Variants in SIGLEC11 observed in about 807,000 individuals in gnomAD.
The protein encoded by SIGLEC11 is sialic acid-binding Ig-like lectin 11.
SIGLEC11 carries 47 observed loss-of-function variants against 61.2 expected under a neutral mutation model. The ratio of observed to expected loss-of-function variants is 0.77; its 90% CI spans 0.61 to 0.98. The LOEUF (loss-of-function observed/expected upper bound fraction) is 0.98. SIGLEC11 is among the 50% of genes least tolerant of loss of function. The pLI is 0.00. For missense variants in SIGLEC11, 610 were observed against 870.3 expected (o/e 0.70, Z 3.76); for synonymous variants, 278 against 373.1 (o/e 0.75, Z 2.94).
rs768316332 is a variant in SIGLEC11, at chr19:49,958,483, G to T, written c.1451C>A (p.Ser484Tyr). Residue 484 changes from serine to tyrosine, a missense_variant, in exon 8 of 11, where the codon TCT (serine) becomes TAT (tyrosine). Physicochemically the swap from Ser to Tyr is moderately radical, Grantham distance 144. Transcript: ENST00000447370. ...SCSSQASPAP[S>Y]LRWWLGEELL... ...CTCCTCCCCAAGCCACCAGCGCAGA[G>T]AGGGGGCCGGGCTGGCCTGGGAGGA... The T allele has an allele frequency of 2.5e-6, 4 of 1,611,980 alleles. No individual in the cohort carries two copies. Among genetic ancestry groups the T allele is most frequent in the Non-Finnish European group, 3.4e-6 (4 of 1,179,364 alleles).
rs745759468 is a variant in SIGLEC11, at chr19:49,951,947, G to A, written c.1774C>T (p.Arg592Cys). The A allele has an allele frequency of 3.3e-5, 53 of 1,610,818 alleles. No individual in the cohort carries two copies. The highest frequency in any genetic ancestry group is 2.4e-4 in the African/African-American group (18 of 74,856). The change falls in exon 10 of 11, where the codon CGC (arginine) becomes TGC (cysteine). Residue 592 changes from arginine (R) to cysteine (C), a missense_variant. By Grantham distance (180) the Arg-to-Cys change is radical. This residue lies in a region of SIGLEC11 where 432 missense variants were observed against 441.5 expected (regional missense o/e 0.98). Transcript: ENST00000447370. This position sits in a 1 kb window ranked among gnomAD's most constrained non-coding sequence, Gnocchi z 4.6. ...TCCTGCTCAGCTGCTGCCCTCTTGCGAGCTTCCTTCCTGCAGATCTTCACC... is the reference window on the plus strand; with the variant it reads ...TCCTGCTCAGCTGCTGCCCTCTTGCAAGCTTCCTTCCTGCAGATCTTCACC... ...FRVKICRKEA[R>C]KRAAAEQDVP...
At chr19:49,958,949 C>A in intron 6 of SIGLEC11, 49 bp from the exon 7 acceptor site, 1 of 1,611,706 alleles carries the variant, frequency 6.2e-7, no homozygotes, top group Non-Finnish European at 8.5e-7. Context: ...GCTCAGGGAC[C>A]CTCCTGTGTG....
intron 8 of SIGLEC11, among the ~76,000 whole-genome samples, chr19:49,954,216 A>C (rs1349638044): frequency 6.6e-6 from 1 of 152,194 alleles, no homozygotes; most frequent in Non-Finnish European, 1.5e-5. Flanking sequence ...GAAAAACCCC[A>C]GAAAGAGCAA....
intron 9 of SIGLEC11, 63 bp from the exon 10 acceptor site, chr19:49,952,035 C>G: frequency 2.0e-6 from 3 of 1,495,828 alleles, no homozygotes; most frequent in East Asian, 4.7e-5. Flanking sequence ...AAACTGCTAC[C>G]CACATGGCTT....
rs530600033 is a variant in SIGLEC11 at position 49,958,678 on chromosome 19, C to T, written c.1328G>A (p.Gly443Asp). 1.0e-5 allele frequency: 16 copies of T among 1,607,968 alleles called. No individual in the cohort carries two copies. The highest frequency in any genetic ancestry group is 2.2e-5 in the East Asian group (1 of 44,866). Reference sequence around the variant, plus strand: ...GAGGCTGAGAGAGACGTGCTGGGAGCCCAGAGGGTGCTGAGCGTGGCAGGT... The same window carrying T: ...GAGGCTGAGAGAGACGTGCTGGGAGTCCAGAGGGTGCTGAGCGTGGCAGGT... ...EFTCHAQHPL[G>D]SQHVSLSLSV... The change falls in exon 7 of 11, where the codon GGC becomes GAC. Residue 443 changes from glycine (G) to aspartate (D), a missense_variant. This residue lies in a region of SIGLEC11 where 432 missense variants were observed against 441.5 expected (regional missense o/e 0.98). Coordinates refer to ENST00000447370, the MANE Select transcript of SIGLEC11 (RefSeq NM_052884.3).
chr19:49,949,931 C>A lies in SIGLEC11; in HGVS notation c.*39G>T. 1 of 1,395,604 alleles carries A rather than the reference C, an allele frequency of 7.2e-7. No homozygotes were observed. 86.5% of individuals were successfully genotyped at this position (1,395,604 alleles called of 1,614,324 possible). ...TCTGGCCGTCACACCAGTGCGACTC[C>A]CACACACTTGCTGGTGTCCTGTTGC... On this transcript the variant is annotated 3_prime_UTR_variant, in exon 11 of 11. Transcript: ENST00000447370.
rs773041395 is a variant in SIGLEC11 at position 49,958,630 on chromosome 19, T to C, written c.1363+13A>G. The C allele has an allele frequency of 1.3e-6, 2 of 1,577,542 alleles. No homozygotes were observed. Among genetic ancestry groups the C allele is most frequent in the Non-Finnish European group, 1.7e-6 (2 of 1,162,388 alleles). On this transcript the variant is annotated intron_variant, in intron 7 of 10. Coordinates refer to ENST00000447370, the MANE Select transcript of SIGLEC11 (RefSeq NM_052884.3). ...CCTTCCTGGGACCCAGGTGTCCCCT[T>C]TCCCCCACTCACAGTGCACGGAGAG...
intron 8 of SIGLEC11, among the ~76,000 whole-genome samples, chr19:49,952,962 C>T (rs115420067): frequency 0.017 from 2,519 of 152,290 alleles, 72 homozygotes; most frequent in African/African-American, 0.057. Flanking sequence ...TTTTTAGATG[C>T]GAGTCCACTG....
Position 49,958,887 on chromosome 19 carries a change from G to C in SIGLEC11, c.1119C>G (p.Leu373=), listed in dbSNP as rs767289497. 21 of 1,600,570 alleles carry C rather than the reference G, an allele frequency of 1.3e-5. No individual in the cohort carries two copies. The highest frequency in any genetic ancestry group is 4.0e-5 in the African/African-American group (3 of 74,454). The change falls in exon 7 of 11, where the codon CTC becomes CTG. Residue 373 remains leucine (L), a synonymous_variant. Transcript: ENST00000447370. ...GGACCGGGAGGGATGTGCCGTTCCC[G>C]AGGTTTTCCAGGACTAGGGAAGGAA... ...SQANRTVLEN[L]GNGTSLPVLE...
At chr19:49,953,281 C>A (rs1487479465) in intron 8 of SIGLEC11, among the ~76,000 whole-genome samples, 2 of 152,158 alleles carry the variant, frequency 1.3e-5, no homozygotes, top group Non-Finnish European at 2.9e-5. Context: ...ACCACAGTAA[C>A]CTTTTGGGGA....
Position 49,958,827 on chromosome 19 carries a change from G to T in SIGLEC11, c.1179C>A (p.Thr393=), listed in dbSNP as rs538978935. The T allele has an allele frequency of 6.8e-5, 109 of 1,612,352 alleles. No homozygotes were observed. Among genetic ancestry groups the T allele is most frequent in the Middle Eastern group, 1.7e-4 (1 of 6,046 alleles). ...EGQSLRLVCV[T]HSSPPARLSW... is the part of the protein sequence containing the mutation. ...TCAGCCTGGCTGGGGGGCTGCTGTG[G>T]GTGACACAGACCAGGCGCAGGCTTT... The change falls in exon 7 of 11, where the codon ACC becomes ACA. Residue 393 remains threonine, a synonymous_variant. Coordinates refer to ENST00000447370, the MANE Select transcript of SIGLEC11 (RefSeq NM_052884.3).
intron 8 of SIGLEC11, among the ~76,000 whole-genome samples, chr19:49,956,242 C>T (rs1044348594): frequency 2.6e-4 from 39 of 152,194 alleles, no homozygotes; most frequent in African/African-American, 8.4e-4. Flanking sequence ...CTGTGTTGCT[C>T]GCTGGGGAAA....
Position 49,950,231 on chromosome 19 carries a change from G to T in SIGLEC11, c.1836C>A (p.His612Gln). ...AGCTGCCTGCCGAGCATTCATGCTG[G>T]TGACCCTGAATGCAGGGGAGAAAGG... ...PSTLGPISQG[H>Q]QHECSAGSSQ... Residue 612 changes from histidine (H) to glutamine (Q), a missense_variant, in exon 11 of 11, where the codon CAC becomes CAA. His to Gln is a conservative substitution (Grantham distance 24, BLOSUM62 0). Coordinates refer to ENST00000447370, the MANE Select transcript of SIGLEC11 (RefSeq NM_052884.3). 6.3e-7 allele frequency: 1 copy of T among 1,583,428 alleles called. No individual in the cohort carries two copies. Among genetic ancestry groups the T allele is most frequent in the Non-Finnish European group, 8.6e-7 (1 of 1,167,442 alleles).
chr19:49,958,253 C>A, intron 8 of SIGLEC11, 30 bp downstream of exon 8: 1 of 1,607,572 alleles, frequency 6.2e-7, no homozygotes, highest in South Asian at 1.1e-5. Flanking sequence ...TCCTTTCTCC[C>A]TGAACCTCAG....
chr19:49,953,768 T>C (rs78578654), intron 8 of SIGLEC11, among the ~76,000 whole-genome samples: 1 of 152,086 alleles, frequency 6.6e-6, no homozygotes, highest in Non-Finnish European at 1.5e-5. Flanking sequence ...GGAGATGGTA[T>C]AGTTGGCCGA....
chr19:49,952,987 T>C lies in SIGLEC11; in HGVS notation c.1652-593A>G, dbSNP rs563268645. On this transcript the variant is annotated intron_variant, in intron 8 of 10. Transcript: ENST00000447370. ...CGAGTCCACTGAGCCGGTTTGCACCTAAAATAAACAATCCTCCTGTTCTCC... is the reference window on the plus strand; with the variant it reads ...CGAGTCCACTGAGCCGGTTTGCACCCAAAATAAACAATCCTCCTGTTCTCC... Among the ~76,000 whole-genome samples the C allele has an allele frequency of 4.6e-5, 7 of 152,352 alleles. No homozygotes were observed. The East Asian group carries it at 1.2e-3, about 25-fold the overall frequency.
chr19:49,950,522 T>G (rs1251845849), intron 10 of SIGLEC11, among the ~76,000 whole-genome samples: 1 of 152,148 alleles, frequency 6.6e-6, no homozygotes, highest in African/African-American at 2.4e-5. Flanking sequence ...GAGACACTAT[T>G]GTCTCCATGA....
intron 8 of SIGLEC11, among the ~76,000 whole-genome samples, chr19:49,953,419 C>G (rs1443202918): frequency 6.6e-6 from 1 of 151,986 alleles, no homozygotes; most frequent in Non-Finnish European, 1.5e-5. Context: ...AAACTCACAC[C>G]CCAACCATCA....
chr19:49,950,612 G>T (rs2076152931), intron 10 of SIGLEC11, among the ~76,000 whole-genome samples: 1 of 152,120 alleles, frequency 6.6e-6, no homozygotes, highest in Non-Finnish European at 1.5e-5. Flanking sequence ...TCACGTCCAG[G>T]TTTCTCTGAC....
Sources: gnomAD v4.1 joint callset for allele counts (sites outside exome capture counted in the v4.1 genomes callset) on GRCh38, gnomAD v4.1.1 for gene constraint, gnomAD v4.1.1 regional missense constraint, Gnocchi (gnomAD v3.1) non-coding constraint, MANE v1.5 for transcripts, NCBI Gene and HGNC (gene_info 2026-07-23, HGNC 2026-07-21) for gene names.